The following GPHN variants were observed in gnomAD, a reference collection of about 807,000 sequenced individuals.
GPHN encodes gephyrin.
In GPHN, 17 loss-of-function variants were observed where a neutral mutation model predicts 95.5. The ratio of observed to expected loss-of-function variants is 0.18; its 90% CI spans 0.12 to 0.27. The LOEUF (loss-of-function observed/expected upper bound fraction) is 0.27. Ranked by LOEUF, GPHN falls within the 10% of genes least tolerant of loss-of-function variation. GPHN has a pLI of 1.00. For synonymous variants in GPHN, 320 were observed against 322.5 expected, an observed-to-expected ratio of 0.99 and a Z score of 0.08; for missense variants, 660 against 978.1, an observed-to-expected ratio of 0.67 and a Z score of 4.34.
intron 4 of GPHN, among the ~76,000 whole-genome samples, chr14:66,865,169 A>G (rs1415306922): frequency 6.6e-6 from 1 of 152,132 alleles, no homozygotes; most frequent in African/African-American, 2.4e-5. Context: ...AAAAATGAGT[A>G]AAACCTGGTA....
At chr14:67,341,795 T>C in the GPHN span, among the ~76,000 whole-genome samples, 2 of 152,234 alleles carry the variant, frequency 1.3e-5, no homozygotes, top group South Asian at 4.1e-4. Context: ...TGTGTCTGTG[T>C]AGAAAGAAGT....
At chr14:66,916,486 T>TTG (rs910358239) in intron 6 of GPHN, among the ~76,000 whole-genome samples, 3 of 151,486 alleles carry the variant, frequency 2.0e-5, no homozygotes, top group African/African-American at 7.3e-5. Flanking sequence ...GAGTTTTTTT[T>TTG]TTTTTTTTTG....
chr14:67,004,824 A>G lies in GPHN; in HGVS notation c.964-18809A>G, dbSNP rs541685296. Among the ~76,000 whole-genome samples, 5 of 151,906 alleles carry G rather than the reference A, an allele frequency of 3.3e-5. No homozygotes were observed. In the East Asian group the frequency reaches 9.6e-4, roughly 29 times the overall value. On this transcript the variant is annotated intron_variant, in intron 9 of 22. Coordinates refer to ENST00000478722, the MANE Select transcript of GPHN (RefSeq NM_020806.5). The stretch of plus-strand genomic sequence containing the variant: ...TCAGAGATGGTGTCAGGTTGGTAGT[A>G]AGGCTTATTTAATTAATTTTCCAAG...
chr14:67,011,144 G>A (rs1185136067), intron 9 of GPHN, among the ~76,000 whole-genome samples: 1 of 151,802 alleles, frequency 6.6e-6, no homozygotes, highest in Non-Finnish European at 1.5e-5. Context: ...ACACCCATTT[G>A]GTAACCATTT....
intron 9 of GPHN, among the ~76,000 whole-genome samples, chr14:66,998,983 A>C (rs2072025388): frequency 6.6e-6 from 1 of 151,468 alleles, no homozygotes. Context: ...ATTAACCTTC[A>C]TAACAGCCTT....
the GPHN span, among the ~76,000 whole-genome samples, chr14:67,427,626 T>A: frequency 2.6e-5 from 4 of 152,172 alleles, no homozygotes; most frequent in Non-Finnish European, 2.9e-5. Flanking sequence ...CAGTTCTTAT[T>A]CCCAGGGCTC....
Position 67,181,127 on chromosome 14 carries a change from G to A in GPHN, c.*190G>A. On this transcript the variant is annotated 3_prime_UTR_variant, in exon 23 of 23. Transcript: ENST00000478722. ...AAACACCTAAAAATAAATCTTAACA[G>A]AAAATTCTGTTCTGATTATATCAAG... 1.5e-6 allele frequency: 1 copy of A among 667,370 alleles called. No individual in the cohort carries two copies. Among genetic ancestry groups the A allele is most frequent in the Non-Finnish European group, 2.5e-6 (1 of 398,274 alleles). The allele number at this position is 667,370 out of a possible 1,614,324, so 41.3% of individuals were successfully genotyped here. A position where few individuals can be genotyped will look rare whatever the true frequency, so the allele number is the denominator to read the frequency against.
chr14:67,375,823 C>G, the GPHN span, among the ~76,000 whole-genome samples: 1 of 152,122 alleles, frequency 6.6e-6, no homozygotes, highest in Non-Finnish European at 1.5e-5. Flanking sequence ...TTGAGAAGCA[C>G]TTTTCTGGGA....
chr14:67,656,263 TA>T, the GPHN span: 1 of 728,428 alleles, frequency 1.4e-6, no homozygotes, highest in South Asian at 6.4e-5. Flanking sequence ...AAAAAAAAAT[TA>T]ATAAATAAAA....
rs78647411 is a variant in GPHN at position 66,981,137 on chromosome 14, C to T, written c.963+15812C>T. 1.7e-3 allele frequency among the ~76,000 whole-genome samples: 255 copies of T among 152,276 alleles called. 6 individuals are homozygous for T. In the East Asian group the frequency reaches 0.045, roughly 27 times the overall value. On this transcript the variant is annotated intron_variant, in intron 9 of 22. Coordinates refer to ENST00000478722, the MANE Select transcript of GPHN (RefSeq NM_020806.5). The stretch of plus-strand genomic sequence containing the variant: ...CCACCATGATTCTAACTTTTGACTT[C>T]TCACTTCTTACTCTTTGCAACTTTC...
chr14:66,829,417 G>T (rs2153497419), intron 4 of GPHN, among the ~76,000 whole-genome samples: 1 of 152,070 alleles, frequency 6.6e-6, no homozygotes, highest in African/African-American at 2.4e-5. Context: ...TCCGATAAAG[G>T]TTGGATAATT....
intron 8 of GPHN, among the ~76,000 whole-genome samples, chr14:66,963,295 A>G (rs2069082923): frequency 6.6e-6 from 1 of 152,072 alleles, no homozygotes; most frequent in Non-Finnish European, 1.5e-5. Context: ...ACATTGAGGC[A>G]TATATACACA....
At chr14:66,805,624 A>G (rs372690800) in intron 3 of GPHN, among the ~76,000 whole-genome samples, 4 of 152,334 alleles carry the variant, frequency 2.6e-5, no homozygotes, top group South Asian at 4.1e-4. Context: ...AAAATTGGCC[A>G]AAAGAAAGGG....
the GPHN span, among the ~76,000 whole-genome samples, chr14:67,397,095 C>T: frequency 2.0e-5 from 3 of 152,110 alleles, no homozygotes; most frequent in East Asian, 1.9e-4. Context: ...ACTGCGACCA[C>T]GCTCAGCTAG....
At chr14:67,690,895 C>A in the GPHN span, 1 of 505,146 alleles carries the variant, frequency 2.0e-6, no homozygotes. Flanking sequence ...GTCCCCTAAA[C>A]CAATTAGTCT....
At chr14:67,495,894 G>T in the GPHN span, among the ~76,000 whole-genome samples, 2 of 152,326 alleles carry the variant, frequency 1.3e-5, no homozygotes, top group African/African-American at 4.8e-5. Context: ...TCTCAGGCAG[G>T]CTTTCTAGGG....
At chr14:67,363,139 C>T in the GPHN span, among the ~76,000 whole-genome samples, 3 of 151,972 alleles carry the variant, frequency 2.0e-5, no homozygotes, top group Admixed American at 6.6e-5. Flanking sequence ...TTTTTATGCC[C>T]AATTTGAAAC....
At chr14:67,577,235 G>T in the GPHN span, 6 of 954,346 alleles carry the variant, frequency 6.3e-6, no homozygotes, top group East Asian at 1.3e-4. Flanking sequence ...AAAGATGGCG[G>T]TGAGTGGGAG....
chr14:67,017,474 T>C (rs1270502703), intron 9 of GPHN, among the ~76,000 whole-genome samples: 1 of 152,052 alleles, frequency 6.6e-6, no homozygotes, highest in East Asian at 1.9e-4. Flanking sequence ...ATCTTATGAG[T>C]AGATGGTACT....
Sources: gnomAD v4.1 joint callset for allele counts (sites outside exome capture counted in the v4.1 genomes callset) on GRCh38, gnomAD v4.1.1 for gene constraint, MANE v1.5 for transcripts, NCBI Gene and HGNC (gene_info 2026-07-23, HGNC 2026-07-21) for gene names.